Variants in DST observed in about 807,000 individuals in gnomAD.
The protein encoded by DST is dystonin, also known as bullous pemphigoid antigen.
DST carries 253 observed loss-of-function variants against 875.2 expected under a neutral mutation model. The ratio of observed to expected loss-of-function variants is 0.29; its 90% confidence interval spans 0.26 to 0.32. DST has a LOEUF of 0.32. DST is among the 10% of genes least tolerant of loss of function. The pLI is 1.00. For synonymous variants in DST, 3,124 were observed against 3,197.1 expected (o/e 0.98, Z 0.77); for missense variants, 8,287 against 9,111.6 (o/e 0.91, Z 3.68).
intron 4 of DST, among the ~76,000 whole-genome samples, chr6:56,814,855 C>CT (rs1173468953): frequency 6.6e-6 from 1 of 152,164 alleles, no homozygotes; most frequent in African/African-American, 2.4e-5. Context: ...AAGCTTTTAT[C>CT]TGTTTGTTCA....
At chr6:56,917,392 G>A (rs2127731465) in intron 2 of DST, among the ~76,000 whole-genome samples, 1 of 152,326 alleles carries the variant, frequency 6.6e-6, no homozygotes, top group South Asian at 2.1e-4. Context: ...TGTGAGAAAT[G>A]CTTGTGGCTA....
intron 4 of DST, among the ~76,000 whole-genome samples, chr6:56,736,784 C>G (rs1045928370): frequency 2.0e-5 from 3 of 152,048 alleles, no homozygotes; most frequent in African/African-American, 7.2e-5. Context: ...CAATATGAGA[C>G]AAATGTTACT....
intron 3 of DST, among the ~76,000 whole-genome samples, chr6:56,888,458 A>G (rs946742920): frequency 6.6e-6 from 1 of 152,132 alleles, no homozygotes; most frequent in African/African-American, 2.4e-5. Flanking sequence ...AGAGCTTTGG[A>G]TTTGCTAGTT....
At chr6:56,499,131 G>T (rs551321656) in intron 80 of DST, among the ~76,000 whole-genome samples, 1 of 152,020 alleles carries the variant, frequency 6.6e-6, no homozygotes, top group South Asian at 2.1e-4. Context: ...TCTAATGTTG[G>T]TAAAAGTTGA....
chr6:56,774,296 C>G (rs1027634781), intron 4 of DST, among the ~76,000 whole-genome samples: 1 of 151,984 alleles, frequency 6.6e-6, no homozygotes, highest in Non-Finnish European at 1.5e-5. Context: ...TGTTCTGTTA[C>G]GGCAGACAGG....
At chr6:56,474,034 A>T (rs2095040174) in intron 92 of DST, 32 bp from the exon 93 acceptor site, 1 of 1,552,976 alleles carries the variant, frequency 6.4e-7, no homozygotes, top group Non-Finnish European at 8.7e-7. Context: ...CAATCAAATA[A>T]GAGTTACTAC....
intron 2 of DST, among the ~76,000 whole-genome samples, chr6:56,908,098 T>TATATATATATATATACACACACAC (rs148958146): frequency 1.0e-4 from 15 of 150,616 alleles, no homozygotes; most frequent in African/African-American, 3.7e-4. Context: ...TATATATATA[T>TATATATATATATATACACACACAC]ACACACACAC....
chr6:56,916,786 A>T (rs1367319625), intron 2 of DST, among the ~76,000 whole-genome samples: 50 of 130,384 alleles, frequency 3.8e-4, no homozygotes, highest in East Asian at 1.5e-3. Flanking sequence ...TCTCACACAC[A>T]CACACACACA....
chr6:56,557,888 T>C (rs948632918), intron 58 of DST, among the ~76,000 whole-genome samples: 2 of 152,138 alleles, frequency 1.3e-5, no homozygotes, highest in Admixed American at 1.3e-4. Flanking sequence ...TCTTCACTTA[T>C]CCGTTCTAGG....
intron 71 of DST, among the ~76,000 whole-genome samples, chr6:56,516,876 T>TA (rs1184708193): frequency 2.0e-5 from 3 of 152,086 alleles, no homozygotes; most frequent in Non-Finnish European, 4.4e-5. Flanking sequence ...TTGATACATA[T>TA]AAAAAACAAT....
rs780128372 is a variant in DST, at chr6:56,573,856, G to A, written c.13059C>T (p.Ser4353=). The A allele has an allele frequency of 1.2e-5, 20 of 1,612,796 alleles. No homozygotes were observed. Among genetic ancestry groups the A allele is most frequent in the Admixed American group, 1.7e-5 (1 of 59,848 alleles). Residue 4353 remains serine (S), a synonymous_variant, in exon 51 of 104, where the codon TCC becomes TCT. Transcript: ENST00000680361. ...TTTCATTTCGTTCATTAACAGACTT[G>A]GACAGATCCTCATATCTCCCAACAA... ...DDIVGRYEDL[S]KSVNERNEKL...
intron 3 of DST, chr6:56,852,163 A>C (rs949589270): frequency 1.3e-6 from 1 of 765,700 alleles, no homozygotes; most frequent in Non-Finnish European, 1.6e-6. Context: ...AATTTTCTTC[A>C]TGAGACTGAA....
At chr6:56,657,159 G>A (rs1485925482) in intron 10 of DST, among the ~76,000 whole-genome samples, 1 of 151,892 alleles carries the variant, frequency 6.6e-6, no homozygotes, top group Non-Finnish European at 1.5e-5. Flanking sequence ...TTGTATTGGG[G>A]AAAAAACATC....
chr6:56,606,743 C>T lies in DST; in HGVS notation c.7885G>A (p.Asp2629Asn). The T allele has an allele frequency of 6.2e-7, 1 of 1,613,434 alleles. No individual in the cohort carries two copies. Among genetic ancestry groups the T allele is most frequent in the Non-Finnish European group, 8.5e-7 (1 of 1,179,630 alleles). The part of the protein sequence containing the change: ...EDDDHDSLLL[D>N]GDDRDCLHPE... The stretch of plus-strand genomic sequence containing the variant: ...TGCAGGCAATCACGATCATCACCAT[C>T]AAGAAGCAAAGAATCATGGTCATCA... The change falls in exon 40 of 104, where the codon GAT becomes AAT. Residue 2629 changes from aspartate to asparagine, a missense_variant. By Grantham distance (23) the Asp-to-Asn change is conservative. Coordinates refer to ENST00000680361, the MANE Select transcript of DST (RefSeq NM_001374736.1).
chr6:56,606,057 C>G lies in DST; in HGVS notation c.8571G>C (p.Met2857Ile), dbSNP rs1344760097. 5.6e-6 allele frequency: 9 copies of G among 1,612,824 alleles called. No individual in the cohort carries two copies. Among genetic ancestry groups the G allele is most frequent in the Non-Finnish European group, 7.6e-6 (9 of 1,179,234 alleles). ...AACTGTGCATTTTATCCAGAAGAAT[C>G]ATTGTATTAATATTTTCATTTTCAT... The part of the protein sequence containing the change: ...NSDENENINT[M>I]ILLDKMHSCS... Residue 2857 changes from methionine (M) to isoleucine (I), a missense_variant, in exon 40 of 104, where the codon ATG (methionine) becomes ATC (isoleucine). By Grantham distance (10) the Met-to-Ile change is conservative. Around this residue, in one of 10 missense-constraint regions of DST, gnomAD observed 3,138 missense variants for 3,116.6 expected, o/e 1.01. Coordinates refer to ENST00000680361, the MANE Select transcript of DST (RefSeq NM_001374736.1).
At position 56,606,566 on chromosome 6, in the gene DST, G is replaced by GACAATGTGCTTTGTTCTTCAC. The variant is rs762913848; in HGVS notation, c.8041_8061dup (p.Val2681_Cys2687dup). 31 of 1,613,522 alleles carry GACAATGTGCTTTGTTCTTCAC rather than the reference G, an allele frequency of 1.9e-5. No individual in the cohort carries two copies. In the East Asian group the frequency reaches 6.5e-4, roughly 34 times the overall value. ...TCAACATCCATAAGGAAATCCTGAA[G>GACAATGTGCTTTGTTCTTCAC]ACAATGTGCTTTGTTCTTCACACTT... On this transcript the variant is annotated inframe_insertion, in exon 40 of 104. Transcript: ENST00000680361.
chr6:56,806,344 C>CACAT (rs2099752938), intron 4 of DST, among the ~76,000 whole-genome samples: 1 of 152,140 alleles, frequency 6.6e-6, no homozygotes, highest in South Asian at 2.1e-4. Context: ...AACCCATAAA[C>CACAT]ACATAGTAGG....
intron 3 of DST, among the ~76,000 whole-genome samples, chr6:56,892,322 C>CTTTT (rs1167025436): frequency 7.5e-6 from 1 of 133,950 alleles, no homozygotes; most frequent in Non-Finnish European, 1.6e-5. Context: ...ATTCCTATCC[C>CTTTT]TTTTTTTTTT....
intron 3 of DST, among the ~76,000 whole-genome samples, chr6:56,872,823 C>CT (rs369855559): frequency 0.058 from 5,170 of 88,808 alleles, 342 homozygotes; most frequent in African/African-American, 0.22. Context: ...TACACTGATT[C>CT]CCCCCCCCCT....
Sources: gnomAD v4.1 joint callset for allele counts (sites outside exome capture counted in the v4.1 genomes callset) on GRCh38, gnomAD v4.1.1 for gene constraint, gnomAD v4.1.1 regional missense constraint, MANE v1.5 for transcripts, NCBI Gene and HGNC (gene_info 2026-07-23, HGNC 2026-07-21) for gene names.